Variants in NECAB1 observed in about 807,000 individuals in gnomAD.
NECAB1 encodes the protein N-terminal EF-hand calcium binding protein 1, also known as N-terminal EF-hand calcium-binding protein 1.
In NECAB1, 29 loss-of-function variants were observed where a neutral mutation model predicts 57.5. The ratio of observed to expected loss-of-function variants is 0.50; its 90% CI spans 0.38 to 0.69. The LOEUF is 0.69. Ranked by LOEUF, NECAB1 falls within the 30% of genes least tolerant of loss-of-function variation. The probability of loss-of-function intolerance (pLI) is 0.00; values close to 1 mark genes in which losing one functional copy is unlikely to be tolerated. For synonymous variants in NECAB1, 142 were observed against 147.7 expected, an observed-to-expected ratio of 0.96 and a Z score of 0.28; for missense variants, 372 against 413.8, an observed-to-expected ratio of 0.90 and a Z score of 0.88.
At chr8:90,947,085 C>T (rs1810819852) in intron 10 of NECAB1, among the ~76,000 whole-genome samples, 2 of 152,230 alleles carry the variant, frequency 1.3e-5, no homozygotes, top group South Asian at 4.2e-4. Flanking sequence ...TCATCACCAC[C>T]ACCACCATTA....
chr8:90,948,318 C>A (rs1055583166), intron 10 of NECAB1, among the ~76,000 whole-genome samples: 1 of 152,124 alleles, frequency 6.6e-6, no homozygotes, highest in Non-Finnish European at 1.5e-5. Flanking sequence ...CCATAGTAAA[C>A]CTTTCTCCAG....
Position 90,954,192 on chromosome 8 carries a change from TAA to T in NECAB1, c.1031-1294_1031-1293del, listed in dbSNP as rs1365701504. Among the ~76,000 whole-genome samples, 8 of 152,142 alleles carry T rather than the reference TAA, an allele frequency of 5.3e-5. No individual in the cohort carries two copies. In the East Asian group the frequency reaches 1.5e-3, roughly 29 times the overall value. On this transcript the variant is annotated intron_variant, in intron 12 of 12. Transcript: ENST00000417640. ...ATTACATTTAAAAATGCAGTATGAATAAGTTTGTATTTCTAATTTTACTCACA... is the reference window on the plus strand; with the variant it reads ...ATTACATTTAAAAATGCAGTATGAATGTTTGTATTTCTAATTTTACTCACA...
intron 3 of NECAB1, among the ~76,000 whole-genome samples, chr8:90,871,753 C>T (rs1328763197): frequency 2.0e-5 from 3 of 152,106 alleles, no homozygotes; most frequent in African/African-American, 7.2e-5. Context: ...CTATCCTCAT[C>T]TTGGGTCAGA....
At chr8:90,952,968 G>T (rs1240613502) in intron 12 of NECAB1, among the ~76,000 whole-genome samples, 2 of 152,144 alleles carry the variant, frequency 1.3e-5, no homozygotes, top group South Asian at 4.2e-4. Flanking sequence ...ATGGCAAGAA[G>T]AAATTATTTC....
rs867809887 is a variant in NECAB1, at chr8:90,958,328, A to G, written c.*2816A>G. ...CTATTCATATGGTCTGATTAGTGAC[A>G]TAAGTAGCAGCCGTTTTTCAACTTC... is the stretch of plus-strand genomic sequence containing the variant. On this transcript the variant is annotated 3_prime_UTR_variant, in exon 13 of 13. Coordinates refer to ENST00000417640, the MANE Select transcript of NECAB1 (RefSeq NM_022351.5). The G allele has an allele frequency of 6.6e-6, 1 of 151,690 alleles. No homozygotes were observed. Among genetic ancestry groups the G allele is most frequent in the Non-Finnish European group, 1.5e-5 (1 of 67,728 alleles). The allele number at this position is 151,690 out of a possible 1,614,324, so 9.4% of individuals were successfully genotyped here.
intron 5 of NECAB1, 114 bp from the exon 6 acceptor site, chr8:90,917,378 C>T (rs188522423): frequency 1.2e-6 from 1 of 855,974 alleles, no homozygotes; most frequent in Non-Finnish European, 1.6e-6. Flanking sequence ...TTCTCTCCAC[C>T]CTCTCTCTCT....
chr8:90,947,196 TTC>T (rs1187225805), intron 10 of NECAB1, among the ~76,000 whole-genome samples: 1 of 152,030 alleles, frequency 6.6e-6, no homozygotes, highest in Non-Finnish European at 1.5e-5. Flanking sequence ...TTCCTTTTGT[TTC>T]TGTTAGCTTT....
chr8:90,906,486 T>C (rs1809652909), intron 5 of NECAB1, among the ~76,000 whole-genome samples: 1 of 152,142 alleles, frequency 6.6e-6, no homozygotes, highest in Admixed American at 6.5e-5. Flanking sequence ...ATCTGGAACT[T>C]AAGAGTCTCC....
chr8:90,798,564 T>C (rs1811702994), intron 1 of NECAB1, among the ~76,000 whole-genome samples: 1 of 152,192 alleles, frequency 6.6e-6, no homozygotes, highest in Non-Finnish European at 1.5e-5. Context: ...GTTTTCTGCT[T>C]CTGCATTAAT....
chr8:90,886,655 G>A (rs1242458455), intron 5 of NECAB1, among the ~76,000 whole-genome samples: 1 of 151,996 alleles, frequency 6.6e-6, no homozygotes, highest in Non-Finnish European at 1.5e-5. Flanking sequence ...AAAGTGCTGG[G>A]ATTACAGGCG....
At chr8:90,825,299 A>G (rs1241126741) in intron 3 of NECAB1, among the ~76,000 whole-genome samples, 1 of 151,886 alleles carries the variant, frequency 6.6e-6, no homozygotes, top group Non-Finnish European at 1.5e-5. Context: ...TTATCTCTGG[A>G]GAGCCAATGT....
chr8:90,846,826 G>A (rs1812569653), intron 3 of NECAB1, among the ~76,000 whole-genome samples: 1 of 152,128 alleles, frequency 6.6e-6, no homozygotes, highest in South Asian at 2.1e-4. Context: ...CATGAGAACA[G>A]CATGGGAAAA....
chr8:90,810,532 A>G (rs1811941710), intron 2 of NECAB1, among the ~76,000 whole-genome samples: 1 of 152,236 alleles, frequency 6.6e-6, no homozygotes, highest in Non-Finnish European at 1.5e-5. Flanking sequence ...AAGAATTGGC[A>G]GGACTACTGG....
chr8:90,896,767 GACTCATTCCGATTACCTACTCCACTCTA>G (rs1312348948), intron 5 of NECAB1, among the ~76,000 whole-genome samples: 5 of 151,928 alleles, frequency 3.3e-5, no homozygotes, highest in Admixed American at 6.6e-5. Context: ...ACTCCACCCT[GACTCATTCCGATTACCTACTCCACTCTA>G]ACTCATTCGG....
At chr8:90,803,036 A>G (rs1343459161) in intron 2 of NECAB1, among the ~76,000 whole-genome samples, 2 of 152,078 alleles carry the variant, frequency 1.3e-5, no homozygotes, top group African/African-American at 2.4e-5. Flanking sequence ...AACTTGGAAT[A>G]CAGGCACACT....
chr8:90,833,410 T>C (rs1041253142), intron 3 of NECAB1, among the ~76,000 whole-genome samples: 6 of 151,950 alleles, frequency 3.9e-5, no homozygotes, highest in African/African-American at 1.5e-4. Flanking sequence ...CTTAAATTCT[T>C]TTTTTTTAAT....
chr8:90,804,960 A>G (rs1212050137), intron 2 of NECAB1, among the ~76,000 whole-genome samples: 1 of 152,212 alleles, frequency 6.6e-6, no homozygotes, highest in Non-Finnish European at 1.5e-5. Flanking sequence ...ACACTTGCTC[A>G]TTTTGCTGCT....
At position 90,833,679 on chromosome 8, in the gene NECAB1, T is replaced by C. The variant is rs549590205; in HGVS notation, c.233+8854T>C. Among the ~76,000 whole-genome samples the C allele has an allele frequency of 5.8e-4, 88 of 152,280 alleles. 3 individuals are homozygous for C. The South Asian group carries it at 0.018, about 30-fold the overall frequency. On this transcript the variant is annotated intron_variant, in intron 3 of 12. Transcript: ENST00000417640. ...TAAATGCAGTTTTTTTCTTAAGTCA[T>C]CAATATCCACCAGATGGATGAAATC...
intron 5 of NECAB1, among the ~76,000 whole-genome samples, chr8:90,910,761 A>C (rs1219183179): frequency 1.3e-5 from 2 of 152,288 alleles, no homozygotes; most frequent in African/African-American, 4.8e-5. Context: ...CTTTTGGATA[A>C]AATGACTGCC....
Sources: gnomAD v4.1 joint callset for allele counts (sites outside exome capture counted in the v4.1 genomes callset) on GRCh38, gnomAD v4.1.1 for gene constraint, MANE v1.5 for transcripts, NCBI Gene and HGNC (gene_info 2026-07-23, HGNC 2026-07-21) for gene names.